TMED3: variants seen among roughly 807,000 people sequenced by gnomAD.
TMED3 encodes transmembrane p24 trafficking protein 3, also known as transmembrane emp24 domain-containing protein 3.
Under a neutral mutation model 15.0 loss-of-function variants are expected in TMED3, and 9 were observed. That is an observed-to-expected ratio of 0.60 (90% confidence interval 0.36 to 1.04). The LOEUF (loss-of-function observed/expected upper bound fraction) is 1.04. Ranked by LOEUF, TMED3 falls within the 50% of genes least tolerant of loss-of-function variation. The probability of loss-of-function intolerance (pLI) is 0.01; values close to 1 mark genes in which losing one functional copy is unlikely to be tolerated. For missense variants in TMED3, 267 were observed against 278.9 expected, an observed-to-expected ratio of 0.96 and a Z score of 0.30; for synonymous variants, 117 against 121.4, an observed-to-expected ratio of 0.96 and a Z score of 0.24.
intron 2 of TMED3, among the ~76,000 whole-genome samples, chr15:79,382,625 G>C (rs1240700679): frequency 2.0e-5 from 3 of 152,134 alleles, no homozygotes; most frequent in East Asian, 1.9e-4. Flanking sequence ...AATTCTTCTG[G>C]GTGCTCAGCT....
Position 79,311,429 on chromosome 15 carries a change from C to T in TMED3, c.168+12C>T. 6.3e-7 allele frequency: 1 copy of T among 1,596,074 alleles called. No individual in the cohort carries two copies. Among genetic ancestry groups the T allele is most frequent in the Non-Finnish European group, 8.5e-7 (1 of 1,171,222 alleles). On this transcript the variant is annotated intron_variant, in intron 1 of 2. Transcript: ENST00000299705. ...CCCTGGATTACCAGGTGAGGCCGGG[C>T]GCCCGGCAGCGCTCCCTTCTCCCTC...
intron 2 of TMED3, among the ~76,000 whole-genome samples, chr15:79,407,847 T>C (rs761459129): frequency 2.6e-5 from 4 of 152,212 alleles, no homozygotes; most frequent in Non-Finnish European, 4.4e-5. Flanking sequence ...GGATTTATGC[T>C]ATCTGTCTAA....
intron 2 of TMED3, among the ~76,000 whole-genome samples, chr15:79,398,064 T>C (rs1249162810): frequency 6.6e-6 from 1 of 152,218 alleles, no homozygotes; most frequent in Admixed American, 6.5e-5. Flanking sequence ...GACAAATGCA[T>C]AATGACATGT....
intron 2 of TMED3, among the ~76,000 whole-genome samples, chr15:79,408,942 C>G (rs1405414744): frequency 6.6e-6 from 1 of 152,106 alleles, no homozygotes; most frequent in African/African-American, 2.4e-5. Context: ...TTACATTGTC[C>G]TAATACAACT....
At chr15:79,409,109 G>T (rs1201969885) in intron 2 of TMED3, among the ~76,000 whole-genome samples, 2 of 152,100 alleles carry the variant, frequency 1.3e-5, no homozygotes, top group African/African-American at 4.8e-5. Context: ...TTACTAAGAG[G>T]GCAACAAGAA....
rs772150988 is a variant in TMED3, at chr15:79,313,997, C to G, written c.409C>G (p.Leu137Val). 5.6e-6 allele frequency: 9 copies of G among 1,614,080 alleles called. No homozygotes were observed. The African/African-American group carries it at 1.2e-4, about 22-fold the overall frequency. The change falls in exon 2 of 3, where the codon CTC (leucine) becomes GTC (valine). Residue 137 changes from leucine to valine, a missense_variant. This residue lies in a region of TMED3 where 139 missense variants were observed against 125.0 expected (regional missense o/e 1.11). Coordinates refer to ENST00000299705, the MANE Select transcript of TMED3 (RefSeq NM_007364.4). ...AGACATGGGGAACAGGGTCACAGCT[C>G]TCACCCAGGTGAGTGAACATTAGCA... ...LPDMGNRVTA[L>V]TQMESACVTI...
intron 2 of TMED3, among the ~76,000 whole-genome samples, chr15:79,329,142 T>C (rs1286770163): frequency 1.3e-5 from 2 of 152,132 alleles, no homozygotes; most frequent in Non-Finnish European, 2.9e-5. Context: ...TATTAGCAAA[T>C]GGGGATTTTC....
Position 79,318,131 on chromosome 15 carries a change from T to G in TMED3, c.418-3847T>G, listed in dbSNP as rs114965287. Among the ~76,000 whole-genome samples, 685 of 152,258 alleles carry G rather than the reference T, an allele frequency of 4.5e-3. 9 individuals carry two copies. Among genetic ancestry groups the G allele is most frequent in the African/African-American group, 0.015 (638 of 41,538 alleles). On this transcript the variant is annotated intron_variant, in intron 2 of 2. Transcript: ENST00000299705. ...GGGATGTGTTCTCAGCCTGGTGACG[T>G]CCTGCCCATCCATCAGGGCTCAGCT...
intron 2 of TMED3, among the ~76,000 whole-genome samples, chr15:79,405,071 A>T (rs1893886016): frequency 6.6e-6 from 1 of 152,216 alleles, no homozygotes; most frequent in African/African-American, 2.4e-5. Context: ...CTGAATATAC[A>T]ATGTTCAGCA....
intron 2 of TMED3, among the ~76,000 whole-genome samples, chr15:79,379,140 C>G (rs1893476842): frequency 6.6e-6 from 1 of 152,130 alleles, no homozygotes; most frequent in South Asian, 2.1e-4. Flanking sequence ...TATACTGTTG[C>G]CCCTTTACTC....
intron 2 of TMED3, among the ~76,000 whole-genome samples, chr15:79,352,444 A>G (rs1388282162): frequency 6.6e-6 from 1 of 152,008 alleles, no homozygotes; most frequent in East Asian, 1.9e-4. Context: ...CATGTGCTCA[A>G]TCCCAAACAA....
At chr15:79,317,710 C>T (rs903859929) in intron 2 of TMED3, among the ~76,000 whole-genome samples, 3 of 152,170 alleles carry the variant, frequency 2.0e-5, no homozygotes, top group African/African-American at 7.2e-5. Flanking sequence ...CCACTGATTT[C>T]AAGAATGATC....
At chr15:79,326,721 T>G (rs982943644), downstream of TMED3, among the ~76,000 whole-genome samples, 3 of 152,188 alleles carry the variant, frequency 2.0e-5, no homozygotes, top group Non-Finnish European at 4.4e-5. Flanking sequence ...GGTGATGGTA[T>G]TAGGAGGTGG....
exon 3 of TMED3, chr15:79,413,156 C>A (rs1366571814): frequency 6.6e-6 from 1 of 152,220 alleles, no homozygotes; most frequent in East Asian, 1.9e-4. Flanking sequence ...ACACAAAAAA[C>A]TAGAGTACCT....
intron 2 of TMED3, among the ~76,000 whole-genome samples, chr15:79,363,324 T>C (rs1893165850): frequency 1.3e-5 from 2 of 152,192 alleles, no homozygotes; most frequent in Non-Finnish European, 2.9e-5. Flanking sequence ...AAGAACAGAT[T>C]AATAGACCAG....
chr15:79,378,754 A>T (rs1430946761), intron 2 of TMED3, among the ~76,000 whole-genome samples: 2 of 152,250 alleles, frequency 1.3e-5, no homozygotes, highest in Non-Finnish European at 2.9e-5. Context: ...TTGCAAAAAC[A>T]TTATCATATT....
chr15:79,383,247 C>A, intron 2 of TMED3: 2 of 557,066 alleles, frequency 3.6e-6, no homozygotes, highest in Admixed American at 6.1e-5. Flanking sequence ...AATGTGGCTG[C>A]CTTTGCTATC....
chr15:79,391,861 G>A (rs1421397486), intron 2 of TMED3, among the ~76,000 whole-genome samples: 1 of 152,138 alleles, frequency 6.6e-6, no homozygotes, highest in African/African-American at 2.4e-5. Context: ...TTTAACTGCT[G>A]TTGCTTTAAG....
chr15:79,370,256 ATTTTTTTTTTT>A (rs398028085), intron 2 of TMED3, among the ~76,000 whole-genome samples: 3 of 104,950 alleles, frequency 2.9e-5, no homozygotes, highest in African/African-American at 3.7e-5. Flanking sequence ...TGCCCAGCTA[ATTTTTTTTTTT>A]TTTTTTTTTT....
Sources: allele counts gnomAD v4.1 joint callset (sites outside exome capture counted in the v4.1 genomes callset), GRCh38; gene constraint gnomAD v4.1.1; regional missense constraint gnomAD v4.1.1; transcripts MANE v1.5; gene names NCBI Gene and HGNC (gene_info 2026-07-23, HGNC 2026-07-21).